Variants in CLYBL observed in about 807,000 individuals in gnomAD.
CLYBL encodes the protein citramalyl-CoA lyase, mitochondrial.
Under a neutral mutation model 38.9 loss-of-function variants are expected in CLYBL, and 31 were observed. The observed-to-expected ratio is 0.80, with a 90% confidence interval of 0.60 to 1.08. The LOEUF (loss-of-function observed/expected upper bound fraction) is 1.08. CLYBL is among the 50% of genes least tolerant of loss of function. CLYBL has a pLI of 0.00. For missense variants in CLYBL, 434 were observed against 411.6 expected, an observed-to-expected ratio of 1.05 and a Z score of -0.47; for synonymous variants, 171 against 158.6, an observed-to-expected ratio of 1.08 and a Z score of -0.59.
intron 2 of CLYBL, among the ~76,000 whole-genome samples, chr13:99,799,304 A>C (rs933768418): frequency 1.3e-5 from 2 of 152,122 alleles, no homozygotes; most frequent in African/African-American, 4.8e-5. Flanking sequence ...AGAAAGATGG[A>C]TATATCTCAC....
At chr13:99,759,713 A>C (rs1267955150) in intron 1 of CLYBL, among the ~76,000 whole-genome samples, 1 of 152,138 alleles carries the variant, frequency 6.6e-6, no homozygotes, top group Non-Finnish European at 1.5e-5. Context: ...TCTACCTACT[A>C]CTTGTTTTAC....
intron 2 of CLYBL, among the ~76,000 whole-genome samples, chr13:99,795,542 T>A (rs190371504): frequency 2.8e-4 from 42 of 152,212 alleles, no homozygotes; most frequent in Non-Finnish European, 4.9e-4. Context: ...TGGTCCCAGT[T>A]ACTCAGGAGT....
intron 7 of CLYBL, among the ~76,000 whole-genome samples, chr13:99,877,896 CT>C (rs1165809709): frequency 6.6e-6 from 1 of 152,028 alleles, no homozygotes; most frequent in African/African-American, 2.4e-5. Flanking sequence ...TCTTTTTATA[CT>C]GAATTTTATT....
At chr13:99,721,987 C>G (rs146912777) in intron 1 of CLYBL, among the ~76,000 whole-genome samples, 12 of 152,322 alleles carry the variant, frequency 7.9e-5, no homozygotes, top group African/African-American at 2.6e-4. Flanking sequence ...TTTTTAATTT[C>G]TCTATTTGTG....
intron 1 of CLYBL, among the ~76,000 whole-genome samples, chr13:99,770,728 A>C (rs988186730): frequency 2.0e-5 from 3 of 151,418 alleles, no homozygotes; most frequent in Non-Finnish European, 4.4e-5. Flanking sequence ...CTTAACTGGC[A>C]GTTATTTTTT....
intron 1 of CLYBL, among the ~76,000 whole-genome samples, chr13:99,692,539 G>T (rs577749102): frequency 6.1e-4 from 92 of 151,972 alleles, no homozygotes; most frequent in African/African-American, 2.1e-3. Flanking sequence ...TGATCCACCC[G>T]CCTCACCCTC....
At chr13:99,908,494 C>T (rs1175482299) in exon 10 of CLYBL, among the ~76,000 whole-genome samples, 1 of 152,236 alleles carries the variant, frequency 6.6e-6, no homozygotes, top group East Asian at 1.9e-4. Flanking sequence ...CCTGATCATT[C>T]TTCCATCAGC....
rs188338060 is a variant in CLYBL at position 99,684,250 on chromosome 13, G to A, written c.62+77493G>A. On this transcript the variant is annotated intron_variant, in intron 1 of 8. Coordinates refer to ENST00000339105, the MANE Select transcript of CLYBL (RefSeq NM_206808.5). ...GTTGCCTAGGCTGGAGGGCAGTGGC[G>A]CGATCTGCAACCTCTGTCTCTCAGG... Among the ~76,000 whole-genome samples the A allele has an allele frequency of 2.7e-3, 390 of 143,350 alleles. 2 individuals are homozygous for A. Among genetic ancestry groups the A allele is most frequent in the South Asian group, 6.6e-3 (30 of 4,534 alleles). The allele number at this position is 143,350 out of a possible 152,430, so 94.0% of individuals were successfully genotyped here. A position where few individuals can be genotyped will look rare whatever the true frequency, so the allele number is the denominator to read the frequency against.
At chr13:99,691,434 T>C (rs1316168170) in intron 1 of CLYBL, among the ~76,000 whole-genome samples, 1 of 152,062 alleles carries the variant, frequency 6.6e-6, no homozygotes, top group Non-Finnish European at 1.5e-5. Flanking sequence ...CACTCCCCAT[T>C]ATCTCTCTGT....
intron 1 of CLYBL, among the ~76,000 whole-genome samples, chr13:99,637,962 C>CTTTTTATTTT (rs2047043827): frequency 1.1e-5 from 1 of 94,998 alleles, no homozygotes; most frequent in African/African-American, 3.9e-5. Flanking sequence ...TCAACAGTGC[C>CTTTTTATTTT]TTTTTTTTTT....
intron 1 of CLYBL, among the ~76,000 whole-genome samples, chr13:99,708,378 TTCAC>T (rs2048178069): frequency 6.6e-6 from 1 of 152,228 alleles, no homozygotes; most frequent in Admixed American, 6.5e-5. Context: ...ACTTCATTTA[TTCAC>T]TCACTCACTT....
At chr13:99,724,684 C>A (rs188843102) in intron 1 of CLYBL, among the ~76,000 whole-genome samples, 2 of 151,946 alleles carry the variant, frequency 1.3e-5, no homozygotes, top group African/African-American at 2.4e-5. Flanking sequence ...GAGTTGAGCA[C>A]GAGCAGAACG....
chr13:99,707,261 CATTTTATTTT>C (rs966891838), intron 1 of CLYBL, among the ~76,000 whole-genome samples: 6 of 151,970 alleles, frequency 3.9e-5, no homozygotes, highest in East Asian at 1.9e-4. Flanking sequence ...TATGCAATTT[CATTTTATTTT>C]ATTTTATTTT....
At chr13:99,732,527 T>A (rs2048609403) in intron 1 of CLYBL, among the ~76,000 whole-genome samples, 1 of 152,190 alleles carries the variant, frequency 6.6e-6, no homozygotes, top group Non-Finnish European at 1.5e-5. Flanking sequence ...AGAAATCAGT[T>A]TCCTGTGTAT....
At chr13:99,905,553 TG>T (rs1165406102) in intron 9 of CLYBL, among the ~76,000 whole-genome samples, 1 of 152,164 alleles carries the variant, frequency 6.6e-6, no homozygotes, top group Non-Finnish European at 1.5e-5. Flanking sequence ...ACCTCCATTC[TG>T]TTCCAATTAT....
intron 1 of CLYBL, among the ~76,000 whole-genome samples, chr13:99,618,433 T>C (rs1240841119): frequency 6.6e-6 from 1 of 152,054 alleles, no homozygotes; most frequent in African/African-American, 2.4e-5. Flanking sequence ...CACGCCTGGC[T>C]AATTTTTTGT....
chr13:99,813,182 T>C, intron 2 of CLYBL, among the ~76,000 whole-genome samples: 1 of 152,212 alleles, frequency 6.6e-6, no homozygotes. Context: ...TTTTTCTAGA[T>C]TTGCAAATGA....
downstream of CLYBL, chr13:99,896,956 T>C (rs1369371544): frequency 6.6e-6 from 1 of 152,248 alleles, no homozygotes; most frequent in African/African-American, 2.4e-5. Context: ...ACAGGACTTA[T>C]TCCAGATGAA....
chr13:99,886,759 C>T (rs2052360214), intron 7 of CLYBL, among the ~76,000 whole-genome samples: 2 of 152,184 alleles, frequency 1.3e-5, no homozygotes, highest in Non-Finnish European at 2.9e-5. Flanking sequence ...CATGGCAGGC[C>T]CTCAGATCGT....
Sources: allele counts gnomAD v4.1 joint callset (sites outside exome capture counted in the v4.1 genomes callset), GRCh38; gene constraint gnomAD v4.1.1; transcripts MANE v1.5; gene names NCBI Gene and HGNC (gene_info 2026-07-23, HGNC 2026-07-21).